Variants in TTC6 observed in about 807,000 individuals in gnomAD.
TTC6 encodes tetratricopeptide repeat domain 6.
TTC6 carries 172 observed loss-of-function variants against 210.4 expected under a neutral mutation model. The ratio of observed to expected loss-of-function variants is 0.82; its 90% CI spans 0.72 to 0.93. TTC6 has a LOEUF of 0.93. Ranked by LOEUF, TTC6 falls within the 40% of genes least tolerant of loss-of-function variation. The pLI, the probability that TTC6 is intolerant of heterozygous loss-of-function variation, is 0.00. For synonymous variants in TTC6, 804 were observed against 819.6 expected (o/e 0.98, Z 0.32); for missense variants, 2,414 against 2,318.1 (o/e 1.04, Z -0.85).
intron 1 of TTC6, among the ~76,000 whole-genome samples, chr14:37,596,498 C>T (rs373401274): frequency 3.3e-5 from 5 of 152,254 alleles, no homozygotes; most frequent in African/African-American, 1.2e-4. Flanking sequence ...TCTTTACTCT[C>T]ATGAGGCCCT....
At chr14:37,736,344 C>G (rs1010975260) in intron 8 of TTC6, among the ~76,000 whole-genome samples, 1 of 151,702 alleles carries the variant, frequency 6.6e-6, no homozygotes, top group Admixed American at 6.6e-5. Flanking sequence ...GAGACTGTCT[C>G]AAAAAAAATT....
At position 37,665,011 on chromosome 14, in the gene TTC6, A is replaced by G. The variant is rs145076091; in HGVS notation, c.940-15140A>G. ...AGTCAAAAAACAACAGTTGCTGGAG[A>G]GGTTGTGGAGAAAAAGCAATACTTT... is the stretch of plus-strand genomic sequence containing the variant. On this transcript the variant is annotated intron_variant, in intron 1 of 30. Transcript: ENST00000553443. 2.0e-5 allele frequency among the ~76,000 whole-genome samples: 3 copies of G among 150,686 alleles called. No homozygotes were observed. The East Asian group carries it at 5.8e-4, about 29-fold the overall frequency.
At chr14:37,702,348 C>A (rs752203490) in intron 5 of TTC6, among the ~76,000 whole-genome samples, 1 of 152,002 alleles carries the variant, frequency 6.6e-6, no homozygotes, top group Non-Finnish European at 1.5e-5. Flanking sequence ...TTCTTCTAAT[C>A]GCCCCTCCTG....
chr14:37,813,894 A>C (rs1328470444), intron 25 of TTC6, among the ~76,000 whole-genome samples: 1 of 152,192 alleles, frequency 6.6e-6, no homozygotes, highest in African/African-American at 2.4e-5. Context: ...TGCCACTGCT[A>C]TCTTCCTTTC....
At chr14:37,818,298 A>G (rs1434377267) in intron 26 of TTC6, among the ~76,000 whole-genome samples, 1 of 152,160 alleles carries the variant, frequency 6.6e-6, no homozygotes, top group Non-Finnish European at 1.5e-5. Context: ...ATAATATTAT[A>G]GTATATAGAC....
At chr14:37,772,724 A>G (rs989380213) in intron 14 of TTC6, among the ~76,000 whole-genome samples, 2 of 152,114 alleles carry the variant, frequency 1.3e-5, no homozygotes, top group Non-Finnish European at 2.9e-5. Context: ...TAGTGAGATG[A>G]ACCCGGTACC....
At chr14:37,741,080 G>T (rs1264959510) in intron 10 of TTC6, among the ~76,000 whole-genome samples, 7 of 152,192 alleles carry the variant, frequency 4.6e-5, no homozygotes, top group Non-Finnish European at 1.0e-4. Context: ...AGGAACCATA[G>T]GATGAACCTT....
At chr14:37,643,755 A>T in intron 1 of TTC6, among the ~76,000 whole-genome samples, 1 of 152,270 alleles carries the variant, frequency 6.6e-6, no homozygotes, top group East Asian at 1.9e-4. Flanking sequence ...ATTTCAGCCA[A>T]ATTTCCCCTC....
chr14:37,783,454 T>C (rs2096060226), intron 14 of TTC6, among the ~76,000 whole-genome samples: 1 of 152,238 alleles, frequency 6.6e-6, no homozygotes. Flanking sequence ...GTAGTGTGTA[T>C]CTCTGTGGGA....
upstream of TTC6, among the ~76,000 whole-genome samples, chr14:37,619,294 G>A (rs2095647580): frequency 1.3e-5 from 2 of 152,136 alleles, no homozygotes; most frequent in Admixed American, 1.3e-4. Flanking sequence ...TGAGCTCTTC[G>A]TGTAGCAGGG....
At chr14:37,659,948 C>T (rs555828988) in intron 1 of TTC6, among the ~76,000 whole-genome samples, 9 of 152,096 alleles carry the variant, frequency 5.9e-5, no homozygotes, top group African/African-American at 1.2e-4. Flanking sequence ...TTAATAGAGC[C>T]GTTTGCTTTT....
chr14:37,678,039 C>T (rs1269168785), intron 1 of TTC6, among the ~76,000 whole-genome samples: 14 of 151,996 alleles, frequency 9.2e-5, no homozygotes, highest in Admixed American at 6.6e-4. Flanking sequence ...GGTTATGTAT[C>T]ATATATTTGT....
At chr14:37,622,931 G>C in exon 1 of TTC6, 1 of 1,533,458 alleles carries the variant, frequency 6.5e-7, no homozygotes, top group Non-Finnish European at 8.7e-7. Context: ...CCGAGGCCCA[G>C]CTGGCCTCCG....
intron 14 of TTC6, among the ~76,000 whole-genome samples, chr14:37,777,796 T>C (rs2096042473): frequency 6.6e-6 from 1 of 151,250 alleles, no homozygotes; most frequent in Non-Finnish European, 1.5e-5. Flanking sequence ...TTTTGATGCT[T>C]TTATCTTCTT....
intron 4 of TTC6, among the ~76,000 whole-genome samples, chr14:37,701,030 T>C (rs1256025272): frequency 6.6e-6 from 1 of 151,620 alleles, no homozygotes; most frequent in African/African-American, 2.4e-5. Flanking sequence ...AGAGAAGAGG[T>C]TGGGGTGGGA....
At chr14:37,631,948 GT>G (rs1345522411) in intron 1 of TTC6, among the ~76,000 whole-genome samples, 2 of 152,104 alleles carry the variant, frequency 1.3e-5, no homozygotes, top group Non-Finnish European at 2.9e-5. Context: ...CTCGTGTTAT[GT>G]TTTTTCAGCT....
At chr14:37,775,849 C>A (rs1330379722) in intron 14 of TTC6, among the ~76,000 whole-genome samples, 1 of 151,966 alleles carries the variant, frequency 6.6e-6, no homozygotes, top group South Asian at 2.1e-4. Context: ...CTTGTTGGAT[C>A]GAACCCTTTA....
chr14:37,607,778 C>T (rs1003005331), intron 2 of TTC6, among the ~76,000 whole-genome samples: 1 of 152,008 alleles, frequency 6.6e-6, no homozygotes, highest in African/African-American at 2.4e-5. Flanking sequence ...TAGGTGCATG[C>T]CACCATGCCC....
At chr14:37,738,226 T>C (rs1337373568) in intron 9 of TTC6, among the ~76,000 whole-genome samples, 2 of 150,874 alleles carry the variant, frequency 1.3e-5, no homozygotes, top group Non-Finnish European at 3.0e-5. Context: ...GCTGATTCTC[T>C]AATGATTAGA....
Sources: gnomAD v4.1 joint callset for allele counts (sites outside exome capture counted in the v4.1 genomes callset) on GRCh38, gnomAD v4.1.1 for gene constraint, MANE v1.5 for transcripts, NCBI Gene and HGNC (gene_info 2026-07-23, HGNC 2026-07-21) for gene names.